Variants in UBAP2 observed in about 807,000 individuals in gnomAD.
The protein encoded by UBAP2 is ubiquitin-associated protein 2.
In UBAP2, 75 loss-of-function variants were observed where a neutral mutation model predicts 139.6. The ratio of observed to expected loss-of-function variants is 0.54; its 90% CI spans 0.45 to 0.65. The LOEUF (loss-of-function observed/expected upper bound fraction) is 0.65. Ranked by LOEUF, UBAP2 falls within the 30% of genes least tolerant of loss-of-function variation. The pLI, the probability that UBAP2 is intolerant of heterozygous loss-of-function variation, is 0.00. For missense variants in UBAP2, 1,368 were observed against 1,369.6 expected (o/e 1.00, Z 0.02); for synonymous variants, 526 against 526.2 (o/e 1.00, Z 0.01).
intron 1 of UBAP2, among the ~76,000 whole-genome samples, chr9:34,025,695 G>A (rs922092336): frequency 1.3e-5 from 2 of 152,182 alleles, no homozygotes; most frequent in East Asian, 1.9e-4. Context: ...TCTATGAAAG[G>A]AATAGTTTTG....
intron 1 of UBAP2, among the ~76,000 whole-genome samples, chr9:34,044,813 C>T (rs953942837): frequency 2.6e-5 from 4 of 151,764 alleles, no homozygotes; most frequent in Non-Finnish European, 5.9e-5. Flanking sequence ...TTGCAGTGGG[C>T]GAAGATCGTA....
intron 16 of UBAP2, 114 bp downstream of exon 16, chr9:33,941,535 A>C: frequency 1.1e-6 from 1 of 920,040 alleles, no homozygotes; most frequent in East Asian, 2.6e-5. Context: ...GATTCTACTC[A>C]AAAGGTTAGT....
chr9:34,048,323 G>T (rs1312506475), intron 1 of UBAP2, among the ~76,000 whole-genome samples: 1 of 152,200 alleles, frequency 6.6e-6, no homozygotes, highest in Admixed American at 6.5e-5. Context: ...GAATTGAAAA[G>T]AAGTAGAACT....
intron 8 of UBAP2, among the ~76,000 whole-genome samples, chr9:33,964,445 A>C (rs1332228715): frequency 6.6e-6 from 1 of 152,236 alleles, no homozygotes; most frequent in Non-Finnish European, 1.5e-5. Flanking sequence ...TAAAAAAAGT[A>C]ACTAATTGAC....
Position 33,933,489 on chromosome 9 carries a change from C to T in UBAP2, c.2108+1G>A, listed in dbSNP as rs1409927873. The T allele has an allele frequency of 6.2e-7, 1 of 1,613,606 alleles. No homozygotes were observed. ...ACTTTGGGCCCACACCTTCCCCATA[C>T]CTGCTAAGCTGAGAGAGAGGGCTGC... On this transcript the variant is annotated splice_donor_variant, in intron 18 of 28. Transcript: ENST00000379238. LOFTEE classifies it high-confidence loss of function.
intron 1 of UBAP2, among the ~76,000 whole-genome samples, chr9:34,018,585 C>T (rs890252029): frequency 2.0e-5 from 3 of 152,116 alleles, no homozygotes; most frequent in Non-Finnish European, 2.9e-5. Context: ...CATTATTGGC[C>T]GGGCACGGTC....
At chr9:33,923,355 C>G (rs147232416) in intron 25 of UBAP2, 24 bp downstream of exon 25, 11 of 1,614,030 alleles carry the variant, frequency 6.8e-6, no homozygotes, top group East Asian at 2.2e-5. Flanking sequence ...CCCCATGTGT[C>G]TCTGTCTGGG....
rs1275348452 is a variant in UBAP2 at position 34,019,645 on chromosome 9, T to C, written c.-41-2456A>G. ...GTACTTAATGTCAGAGAACTGTATA[T>C]GTAACAATGGTTACAATAAACTTTA... is the stretch of plus-strand genomic sequence containing the variant. On this transcript the variant is annotated intron_variant, in intron 1 of 28. Transcript: ENST00000379238. Among the ~76,000 whole-genome samples, 5 of 151,760 alleles carry C rather than the reference T, an allele frequency of 3.3e-5. No homozygotes were observed. The East Asian group carries it at 7.7e-4, about 23-fold the overall frequency.
intron 8 of UBAP2, among the ~76,000 whole-genome samples, chr9:33,965,647 A>T (rs549189098): frequency 6.6e-6 from 1 of 152,194 alleles, no homozygotes; most frequent in Non-Finnish European, 1.5e-5. Context: ...ATTGCCTCAT[A>T]ATCTTTGACA....
rs888746495 is a variant in UBAP2, at chr9:33,944,604, T to G, written c.1306A>C (p.Ser436Arg). 6.2e-7 allele frequency: 1 copy of G among 1,614,116 alleles called. No individual in the cohort carries two copies. Among genetic ancestry groups the G allele is most frequent in the Non-Finnish European group, 8.5e-7 (1 of 1,180,008 alleles). The change falls in exon 14 of 29, where the codon AGC becomes CGC. Residue 436 changes from serine to arginine, a missense_variant. Ser to Arg is a moderately radical substitution (Grantham distance 110). Coordinates refer to ENST00000379238, the MANE Select transcript of UBAP2 (RefSeq NM_001370062.2). ...KSQPEPSPVL[S>R]QLSQRQQHQS... Reference sequence around the variant, plus strand: ...TGCTGTTGTCGCTGGCTCAACTGGCTAAGAACTGGGGATGGCTCAGGTTGA... The same window carrying G: ...TGCTGTTGTCGCTGGCTCAACTGGCGAAGAACTGGGGATGGCTCAGGTTGA...
intron 12 of UBAP2, among the ~76,000 whole-genome samples, chr9:33,951,332 ATTTTTTTTTTTTTTT>A (rs57473520): frequency 1.5e-3 from 103 of 68,998 alleles, no homozygotes; most frequent in African/African-American, 3.5e-3. Flanking sequence ...CTCCCCAATG[ATTTTTTTTTTTTTTT>A]TTTTTTTTTT....
At chr9:34,035,514 A>AAAAAAAAAAATATATATATATATATATAT in intron 1 of UBAP2, among the ~76,000 whole-genome samples, 2 of 22,488 alleles carry the variant, frequency 8.9e-5, no homozygotes, top group African/African-American at 1.3e-4. Flanking sequence ...AAAAAAAAAA[A>AAAAAAAAAAATATATATATATATATATAT]ATATATATAT....
intron 21 of UBAP2, 116 bp from the exon 22 acceptor site, chr9:33,926,780 C>G (rs1172296507): frequency 8.8e-7 from 1 of 1,140,604 alleles, no homozygotes; most frequent in African/African-American, 1.5e-5. Flanking sequence ...GGAATGGGAT[C>G]TGGATTAGCT....
At chr9:34,022,176 A>G (rs1825006635) in intron 1 of UBAP2, among the ~76,000 whole-genome samples, 1 of 151,942 alleles carries the variant, frequency 6.6e-6, no homozygotes, top group African/African-American at 2.4e-5. Flanking sequence ...AGCCAGGAGG[A>G]GGAGGTTGCA....
At chr9:34,026,450 C>T (rs1825407590) in intron 1 of UBAP2, among the ~76,000 whole-genome samples, 1 of 152,084 alleles carries the variant, frequency 6.6e-6, no homozygotes, top group Admixed American at 6.6e-5. Flanking sequence ...AAACAGGATA[C>T]ACAATTTATG....
intron 16 of UBAP2, among the ~76,000 whole-genome samples, chr9:33,937,997 G>GT (rs958459265): frequency 1.3e-5 from 2 of 151,914 alleles, no homozygotes; most frequent in African/African-American, 4.8e-5. Flanking sequence ...GGTTTCTTTT[G>GT]TTTTTTTGTT....
At chr9:34,035,514 A>AAAAAAAAAAAAAAAATATATAT in intron 1 of UBAP2, among the ~76,000 whole-genome samples, 1 of 22,474 alleles carries the variant, frequency 4.4e-5, no homozygotes, top group African/African-American at 1.3e-4. Context: ...AAAAAAAAAA[A>AAAAAAAAAAAAAAAATATATAT]ATATATATAT....
At position 33,922,400 on chromosome 9, in the gene UBAP2, A is replaced by G. The variant is rs1028172054; in HGVS notation, c.*104T>C. 2.0e-5 allele frequency: 22 copies of G among 1,107,338 alleles called. No individual in the cohort carries two copies. Among genetic ancestry groups the G allele is most frequent in the Admixed American group, 4.0e-5 (2 of 50,304 alleles). 68.6% of individuals were successfully genotyped at this position (1,107,338 alleles called of 1,614,324 possible). A position where few individuals can be genotyped will look rare whatever the true frequency, so the allele number is the denominator to read the frequency against. On this transcript the variant is annotated 3_prime_UTR_variant, in exon 29 of 29. Transcript: ENST00000379238. ...CTCCCCACAGAGGCATGGCTGACAC[A>G]TGTCGGGAATTCTAGGAAAGGGCAC...
At chr9:34,034,451 T>C (rs973631848) in intron 1 of UBAP2, among the ~76,000 whole-genome samples, 2 of 152,234 alleles carry the variant, frequency 1.3e-5, no homozygotes, top group African/African-American at 2.4e-5. Flanking sequence ...AACAAAGTCA[T>C]GCCATCCATT....
Sources: allele counts gnomAD v4.1 joint callset (sites outside exome capture counted in the v4.1 genomes callset), GRCh38; gene constraint gnomAD v4.1.1; transcripts MANE v1.5; gene names NCBI Gene and HGNC (gene_info 2026-07-23, HGNC 2026-07-21).